The following LRP1B variants were observed in gnomAD, a reference collection of about 807,000 sequenced individuals.
LRP1B encodes LDL receptor related protein 1B.
A neutral mutation model predicts 556.6 loss-of-function variants in LRP1B; 217 were observed. That is an observed-to-expected ratio of 0.39 (90% CI 0.35 to 0.44). LRP1B has a LOEUF of 0.44. LRP1B is among the 20% of genes least tolerant of loss of function. The pLI, the probability that LRP1B is intolerant of heterozygous loss-of-function variation, is 1.00. For missense variants in LRP1B, 5,053 were observed against 5,620.8 expected (o/e 0.90, Z 3.23); for synonymous variants, 2,047 against 1,865.8 (o/e 1.10, Z -2.50).
intron 47 of LRP1B, among the ~76,000 whole-genome samples, chr2:140,528,580 C>CA (rs1214843934): frequency 2.6e-5 from 4 of 151,472 alleles, no homozygotes; most frequent in African/African-American, 9.7e-5. Flanking sequence ...GTAAGAGGTG[C>CA]AAGTAGGAAC....
At chr2:141,718,629 G>A (rs1692706757) in intron 2 of LRP1B, among the ~76,000 whole-genome samples, 1 of 152,128 alleles carries the variant, frequency 6.6e-6, no homozygotes, top group South Asian at 2.1e-4. Context: ...GACATATGAT[G>A]TCCAAAATGC....
At chr2:141,834,982 C>T (rs543645779) in intron 1 of LRP1B, among the ~76,000 whole-genome samples, 1 of 151,780 alleles carries the variant, frequency 6.6e-6, no homozygotes, top group East Asian at 1.9e-4. Context: ...GATATAAAGT[C>T]AAGGATGTAT....
At chr2:140,935,991 G>A (rs1477160195) in intron 20 of LRP1B, among the ~76,000 whole-genome samples, 1 of 151,036 alleles carries the variant, frequency 6.6e-6, no homozygotes, top group African/African-American at 2.4e-5. Flanking sequence ...AGCTTAGACT[G>A]ATTCTGTGTG....
At chr2:141,846,111 A>C (rs1451366720) in intron 1 of LRP1B, among the ~76,000 whole-genome samples, 1 of 151,726 alleles carries the variant, frequency 6.6e-6, no homozygotes, top group East Asian at 1.9e-4. Context: ...AAAAATGGAC[A>C]GAAATAATTA....
At chr2:140,326,830 T>C (rs570374867) in intron 79 of LRP1B, among the ~76,000 whole-genome samples, 2 of 152,122 alleles carry the variant, frequency 1.3e-5, no homozygotes, top group African/African-American at 4.8e-5. Flanking sequence ...TGAATGATAA[T>C]GGACTGAAAT....
chr2:141,173,161 GTCA>G (rs747522844), intron 7 of LRP1B, among the ~76,000 whole-genome samples: 3 of 151,232 alleles, frequency 2.0e-5, no homozygotes, highest in East Asian at 3.9e-4. Context: ...TGCCATCTTT[GTCA>G]TCATCATCAT....
At chr2:141,955,261 T>A (rs2105042665) in intron 1 of LRP1B, among the ~76,000 whole-genome samples, 1 of 152,244 alleles carries the variant, frequency 6.6e-6, no homozygotes, top group Admixed American at 6.5e-5. Flanking sequence ...ATTCATCATC[T>A]CCCTGAATTT....
At chr2:140,562,684 G>A (rs763627317) in intron 43 of LRP1B, among the ~76,000 whole-genome samples, 9 of 151,940 alleles carry the variant, frequency 5.9e-5, no homozygotes, top group Non-Finnish European at 1.3e-4. Context: ...GCAGTGGCAC[G>A]ATCTTGGCTC....
chr2:140,541,533 T>G (rs7585835), intron 44 of LRP1B, among the ~76,000 whole-genome samples: 217 of 152,218 alleles, frequency 1.4e-3, no homozygotes, highest in African/African-American at 5.1e-3. Flanking sequence ...ACTGCTCCTG[T>G]GATGATAAAT....
intron 1 of LRP1B, among the ~76,000 whole-genome samples, chr2:141,816,421 G>C (rs1205116622): frequency 6.6e-6 from 1 of 152,178 alleles, no homozygotes; most frequent in African/African-American, 2.4e-5. Context: ...TCTTTCTCCT[G>C]TGCTAGATGC....
chr2:141,440,970 C>A (rs1680941643), intron 3 of LRP1B, among the ~76,000 whole-genome samples: 1 of 152,132 alleles, frequency 6.6e-6, no homozygotes, highest in Non-Finnish European at 1.5e-5. Context: ...CACAGGATAG[C>A]CACTCCCGCC....
At chr2:141,172,386 C>T (rs573007318) in intron 7 of LRP1B, among the ~76,000 whole-genome samples, 1 of 152,122 alleles carries the variant, frequency 6.6e-6, no homozygotes, top group South Asian at 2.1e-4. Context: ...GACCACTTTC[C>T]AGAAAATGCT....
intron 41 of LRP1B, among the ~76,000 whole-genome samples, chr2:140,642,490 A>T (rs1007974651): frequency 6.6e-6 from 1 of 152,150 alleles, no homozygotes; most frequent in Admixed American, 6.5e-5. Flanking sequence ...AACCTGAATT[A>T]TCAGCACCTA....
At chr2:141,665,051 G>A (rs988269904) in intron 2 of LRP1B, among the ~76,000 whole-genome samples, 1 of 152,048 alleles carries the variant, frequency 6.6e-6, no homozygotes, top group Non-Finnish European at 1.5e-5. Flanking sequence ...AAATAAGACT[G>A]CACATCTACA....
chr2:140,954,562 T>C (rs180740415), intron 18 of LRP1B, among the ~76,000 whole-genome samples: 1 of 152,024 alleles, frequency 6.6e-6, no homozygotes, highest in Admixed American at 6.6e-5. Flanking sequence ...AAATTTTCCA[T>C]GTAAATTTTA....
intron 1 of LRP1B, among the ~76,000 whole-genome samples, chr2:142,124,057 G>T (rs1057089155): frequency 6.6e-6 from 1 of 151,678 alleles, no homozygotes; most frequent in African/African-American, 2.4e-5. Flanking sequence ...TTTAATTTTA[G>T]ATTTGGGGGT....
At chr2:140,382,270 G>GTC (rs199948439) in intron 67 of LRP1B, among the ~76,000 whole-genome samples, 2,860 of 152,224 alleles carry the variant, frequency 0.019, 42 homozygotes, top group Non-Finnish European at 0.023. Flanking sequence ...GAAGCAGCTT[G>GTC]TCTCTCTATG....
intron 1 of LRP1B, among the ~76,000 whole-genome samples, chr2:141,825,598 G>A (rs931073521): frequency 7.2e-5 from 11 of 152,150 alleles, no homozygotes; most frequent in Non-Finnish European, 1.6e-4. Flanking sequence ...TGTGATGGGG[G>A]ACAGAGGTCT....
intron 1 of LRP1B, among the ~76,000 whole-genome samples, chr2:142,044,667 T>A (rs1238436451): frequency 1.3e-5 from 2 of 151,720 alleles, no homozygotes; most frequent in Non-Finnish European, 2.9e-5. Flanking sequence ...CCCAAGGATA[T>A]TCATCAATTC....
Sources: allele counts gnomAD v4.1 joint callset (sites outside exome capture counted in the v4.1 genomes callset), GRCh38; gene constraint gnomAD v4.1.1; transcripts MANE v1.5; gene names NCBI Gene and HGNC (gene_info 2026-07-23, HGNC 2026-07-21).